Variants in AFAP1L2 observed in about 807,000 individuals in gnomAD.
AFAP1L2 encodes actin filament-associated protein 1-like 2.
AFAP1L2 carries 46 observed loss-of-function variants against 99.3 expected under a neutral mutation model. The observed-to-expected ratio is 0.46, with a 90% CI of 0.37 to 0.59. AFAP1L2 has a LOEUF of 0.59. Among genes scored for constraint, AFAP1L2 ranks in the 20% least tolerant of loss-of-function variants. AFAP1L2 has a pLI of 0.00. For synonymous variants in AFAP1L2, 397 were observed against 419.1 expected (o/e 0.95, Z 0.64); for missense variants, 959 against 1,034.9 (o/e 0.93, Z 1.01).
chr10:114,301,739 C>T (rs148320621), intron 12 of AFAP1L2: 102 of 481,272 alleles, frequency 2.1e-4, no homozygotes, highest in African/African-American at 1.7e-3. Context: ...GCCATCTTCT[C>T]CCCCATTCCT....
At position 114,333,276 on chromosome 10, in the gene AFAP1L2, A is replaced by C. The variant is rs1395391617; in HGVS notation, c.165T>G (p.Ile55Met). 6.2e-7 allele frequency: 1 copy of C among 1,613,852 alleles called. No homozygotes were observed. The highest frequency in any genetic ancestry group is 8.5e-7 in the Non-Finnish European group (1 of 1,179,938). The change falls in exon 3 of 19, where the codon ATT becomes ATG. Residue 55 changes from isoleucine (I) to methionine (M), a missense_variant. By Grantham distance (10) the Ile-to-Met change is conservative. Around this residue, in one of 2 missense-constraint regions of AFAP1L2, gnomAD observed 383 missense variants for 472.8 expected, o/e 0.81. Coordinates refer to ENST00000304129, the MANE Select transcript of AFAP1L2 (RefSeq NM_001001936.3). The stretch of plus-strand genomic sequence containing the variant: ...TGTTGATGGTCACTTTGTTCATATA[A>C]ATGTACTCCTCATCAGAGCCTGCAG... Reference protein sequence around the residue: ...TKSSSSDEEYIYMNKVTINKQ... With the variant: ...TKSSSSDEEYMYMNKVTINKQ...
intron 1 of AFAP1L2, among the ~76,000 whole-genome samples, chr10:114,360,509 T>TAGTTAGATAGA (rs61366681): frequency 0.046 from 4,916 of 107,124 alleles, 108 homozygotes; most frequent in Non-Finnish European, 0.058. Context: ...AGATAGATAG[T>TAGTTAGATAGA]TAGATAGATA....
intron 1 of AFAP1L2, among the ~76,000 whole-genome samples, chr10:114,389,041 G>A (rs952494110): frequency 2.6e-5 from 4 of 152,152 alleles, no homozygotes; most frequent in Non-Finnish European, 5.9e-5. Context: ...TCTATGTTCC[G>A]GAAGACTTAA....
At position 114,310,361 on chromosome 10, in the gene AFAP1L2, C is replaced by T; in HGVS notation, c.875G>A (p.Cys292Tyr). Residue 292 changes from cysteine to tyrosine, a missense_variant, in exon 8 of 19, where the codon TGC becomes TAC. Cys to Tyr is a radical substitution (Grantham distance 194). Transcript: ENST00000304129. The stretch of plus-strand genomic sequence containing the variant: ...GGCAGGGCAGAGGCTTACTTTCTGG[C>T]AGTTAAAGCGCTGGGCATCCGGGGT... The part of the protein sequence containing the change: ...QYTPDAQRFN[C>Y]QKPDIAEKYL... 2 of 1,613,102 alleles carry T rather than the reference C, an allele frequency of 1.2e-6. No homozygotes were observed. Among genetic ancestry groups the T allele is most frequent in the Non-Finnish European group, 1.7e-6 (2 of 1,179,650 alleles).
chr10:114,316,783 C>T (rs962017188), intron 5 of AFAP1L2, among the ~76,000 whole-genome samples: 6 of 152,142 alleles, frequency 3.9e-5, no homozygotes, highest in African/African-American at 1.2e-4. Flanking sequence ...CCATCTATCC[C>T]TGAAAAGCAG....
intron 1 of AFAP1L2, among the ~76,000 whole-genome samples, chr10:114,363,569 TA>T (rs1291798752): frequency 2.0e-5 from 3 of 152,352 alleles, no homozygotes; most frequent in African/African-American, 7.2e-5. Context: ...GATGAGATTT[TA>T]TTAGCCAATT....
At chr10:114,404,312 T>G in intron 1 of AFAP1L2, 128 bp downstream of exon 1, 1 of 1,114,624 alleles carries the variant, frequency 9.0e-7, no homozygotes, top group African/African-American at 1.6e-5. Context: ...TAGGCCCAGG[T>G]CCGGGCTGGG....
chr10:114,303,065 T>C (rs958802222), intron 11 of AFAP1L2, among the ~76,000 whole-genome samples: 1 of 152,174 alleles, frequency 6.6e-6, no homozygotes, highest in Non-Finnish European at 1.5e-5. Flanking sequence ...TATTTTTTTT[T>C]CCAGGGGACA....
chr10:114,350,580 G>T (rs941770069), intron 1 of AFAP1L2, among the ~76,000 whole-genome samples: 6 of 152,140 alleles, frequency 3.9e-5, no homozygotes, highest in African/African-American at 1.4e-4. Flanking sequence ...CAGTCCAGTA[G>T]ACCTGGGCAA....
At chr10:114,281,691 C>T in the AFAP1L2 span, 1 of 979,536 alleles carries the variant, frequency 1.0e-6, no homozygotes, top group Non-Finnish European at 1.2e-6. Context: ...TAGCAGCACA[C>T]CTGGGGTGGA....
chr10:114,393,290 A>G (rs2057344086), intron 1 of AFAP1L2, among the ~76,000 whole-genome samples: 1 of 152,204 alleles, frequency 6.6e-6, no homozygotes, highest in Non-Finnish European at 1.5e-5. Flanking sequence ...CCATACTGCC[A>G]TGACCTGCAC....
chr10:114,387,030 C>T (rs1889445), intron 1 of AFAP1L2, among the ~76,000 whole-genome samples: 151,038 of 152,302 alleles, frequency 0.99, 74,902 homozygotes, highest in East Asian at 1. Flanking sequence ...TCAGCCAATC[C>T]CAAACACAAT....
At chr10:114,390,201 C>T (rs1374080982) in intron 1 of AFAP1L2, among the ~76,000 whole-genome samples, 1 of 152,180 alleles carries the variant, frequency 6.6e-6, no homozygotes. Flanking sequence ...TTCATCTATG[C>T]CATTGGATGT....
In AFAP1L2 at chr10:114,351,606, C is replaced by T. The variant is rs78286232; in HGVS notation, c.17-10875G>A. On this transcript the variant is annotated intron_variant, in intron 1 of 18. Coordinates refer to ENST00000304129, the MANE Select transcript of AFAP1L2 (RefSeq NM_001001936.3). ...GCACGCGAGGCTGATTAGGTGCCCA[C>T]TGGACCACCAGGCAAAAGCCCTTCC... 2.1e-3 allele frequency among the ~76,000 whole-genome samples: 321 copies of T among 152,320 alleles called. 2 individuals carry two copies. The highest frequency in any genetic ancestry group is 7.5e-3 in the African/African-American group (311 of 41,566).
rs561363104 is a variant in AFAP1L2 at position 114,299,320 on chromosome 10, G to A, written c.2053C>T (p.His685Tyr). 1.7e-4 allele frequency: 268 copies of A among 1,614,228 alleles called. 2 individuals carry two copies. The East Asian group carries it at 5.1e-3, about 31-fold the overall frequency. ...TTCTCTTTCCGGAGCTGAGCCAGGT[G>A]CCCCCGGATTTCTTCCTTCTTCTTT... Reference protein sequence around the residue: ...LEKKKEEIRGHLAQLRKEKRE... With the variant: ...LEKKKEEIRGYLAQLRKEKRE... Residue 685 changes from histidine to tyrosine, a missense_variant, in exon 16 of 19, where the codon CAC (histidine) becomes TAC (tyrosine). Coordinates refer to ENST00000304129, the MANE Select transcript of AFAP1L2 (RefSeq NM_001001936.3).
intron 1 of AFAP1L2, among the ~76,000 whole-genome samples, chr10:114,354,344 A>G (rs1242160768): frequency 6.6e-6 from 1 of 152,222 alleles, no homozygotes; most frequent in East Asian, 1.9e-4. Context: ...GACAAGAACC[A>G]ATAATCAGGG....
chr10:114,363,993 A>G (rs1041933867), intron 1 of AFAP1L2, among the ~76,000 whole-genome samples: 2 of 152,224 alleles, frequency 1.3e-5, no homozygotes, highest in African/African-American at 4.8e-5. Context: ...CCCCAAACAG[A>G]ACCCTGTCTG....
intron 1 of AFAP1L2, among the ~76,000 whole-genome samples, chr10:114,362,420 A>G (rs1401707175): frequency 1.3e-5 from 2 of 152,172 alleles, no homozygotes; most frequent in Non-Finnish European, 2.9e-5. Context: ...TCCTTGTAAG[A>G]GGAAGAAGAG....
At chr10:114,318,026 G>A (rs2044423081) in intron 5 of AFAP1L2, among the ~76,000 whole-genome samples, 1 of 152,168 alleles carries the variant, frequency 6.6e-6, no homozygotes, top group Non-Finnish European at 1.5e-5. Flanking sequence ...GTGTGCAGCT[G>A]GATAAACTCC....
Sources: allele counts gnomAD v4.1 joint callset (sites outside exome capture counted in the v4.1 genomes callset), GRCh38; gene constraint gnomAD v4.1.1; regional missense constraint gnomAD v4.1.1; transcripts MANE v1.5; gene names NCBI Gene and HGNC (gene_info 2026-07-23, HGNC 2026-07-21).